DPY19L1: variants seen among roughly 807,000 people sequenced by gnomAD.
DPY19L1 encodes dpy-19 like C-mannosyltransferase 1, also known as protein C-mannosyl-transferase DPY19L1.
Under a neutral mutation model 96.9 loss-of-function variants are expected in DPY19L1, and 35 were observed. The ratio of observed to expected loss-of-function variants is 0.36; its 90% CI spans 0.28 to 0.48. The LOEUF (loss-of-function observed/expected upper bound fraction) is 0.48, where lower values mean the gene tolerates loss of function less well. Ranked by LOEUF, DPY19L1 falls within the 20% of genes least tolerant of loss-of-function variation. The pLI, the probability that DPY19L1 is intolerant of heterozygous loss-of-function variation, is 0.99. For missense variants in DPY19L1, 521 were observed against 777.9 expected (o/e 0.67, Z 3.93); for synonymous variants, 205 against 252.6 (o/e 0.81, Z 1.79).
chr7:34,933,617 C>T (rs1783804601), intron 21 of DPY19L1, among the ~76,000 whole-genome samples: 1 of 152,344 alleles, frequency 6.6e-6, no homozygotes, highest in Non-Finnish European at 1.5e-5. Context: ...ATCTAATCAG[C>T]TGCCAGCATG....
At chr7:35,010,019 AG>A (rs1224134605) in intron 6 of DPY19L1, among the ~76,000 whole-genome samples, 2 of 152,166 alleles carry the variant, frequency 1.3e-5, no homozygotes, top group South Asian at 2.1e-4. Context: ...ACTCAAGCCC[AG>A]GAAGTTGAGA....
At chr7:35,001,124 T>C (rs1489821370) in intron 6 of DPY19L1, among the ~76,000 whole-genome samples, 3 of 152,106 alleles carry the variant, frequency 2.0e-5, no homozygotes, top group Non-Finnish European at 4.4e-5. Context: ...ATTAAATGAG[T>C]TTCTGATAGT....
chr7:35,019,768 G>A (rs1186823639), intron 1 of DPY19L1, among the ~76,000 whole-genome samples: 1 of 151,964 alleles, frequency 6.6e-6, no homozygotes, highest in Non-Finnish European at 1.5e-5. Context: ...ATCTAACTTA[G>A]TTTGTCATTT....
intron 1 of DPY19L1, 92 bp from the exon 2 acceptor site, chr7:35,018,688 T>C: frequency 8.6e-7 from 1 of 1,166,272 alleles, no homozygotes; most frequent in Admixed American, 2.1e-5. Context: ...TGTCAAATAT[T>C]GAAATGTGTA....
intron 6 of DPY19L1, among the ~76,000 whole-genome samples, chr7:35,001,155 C>T (rs1289951347): frequency 1.3e-5 from 2 of 152,182 alleles, no homozygotes; most frequent in Non-Finnish European, 2.9e-5. Flanking sequence ...GAGCCTCGCA[C>T]ATAAGCGTCA....
At chr7:34,960,600 C>A (rs1050877173) in intron 10 of DPY19L1, among the ~76,000 whole-genome samples, 2 of 152,014 alleles carry the variant, frequency 1.3e-5, no homozygotes, top group Non-Finnish European at 2.9e-5. Flanking sequence ...ATTTTTCAGT[C>A]AATTGTATTA....
At chr7:35,008,639 T>A (rs77114901) in intron 6 of DPY19L1, among the ~76,000 whole-genome samples, 157 of 143,010 alleles carry the variant, frequency 1.1e-3, no homozygotes, top group South Asian at 1.6e-3. Context: ...GCTATAGTGC[T>A]CTGTGACCAC....
chr7:34,968,725 C>T (rs1483418657), intron 9 of DPY19L1, among the ~76,000 whole-genome samples: 7 of 135,680 alleles, frequency 5.2e-5, no homozygotes, highest in East Asian at 2.3e-4. Context: ...GCCGAGATTG[C>T]GCCACTGCAT....
At chr7:34,957,129 T>C (rs951733820) in intron 11 of DPY19L1, among the ~76,000 whole-genome samples, 7 of 152,034 alleles carry the variant, frequency 4.6e-5, no homozygotes, top group Admixed American at 1.3e-4. Context: ...ACGCCTGTAA[T>C]CCCAGCACTT....
At chr7:35,015,900 T>C (rs142214027) in intron 3 of DPY19L1, among the ~76,000 whole-genome samples, 40 of 152,326 alleles carry the variant, frequency 2.6e-4, no homozygotes, top group African/African-American at 9.6e-4. Flanking sequence ...TTAAACTCTT[T>C]TCAGTAATCA....
rs1402921085 is a variant in DPY19L1, at chr7:34,974,556, T to A, written c.823-951A>T. Among the ~76,000 whole-genome samples, 4 of 152,218 alleles carry A rather than the reference T, an allele frequency of 2.6e-5. No homozygotes were observed. In the East Asian group the frequency reaches 7.7e-4, roughly 29 times the overall value. The stretch of plus-strand genomic sequence containing the variant: ...ACTGACATACATATCTATTTATGAA[T>A]GAACTACTCACACAAGAGAATGCTG... On this transcript the variant is annotated intron_variant, in intron 7 of 21. Coordinates refer to ENST00000638088, the MANE Select transcript of DPY19L1 (RefSeq NM_001366673.1).
intron 1 of DPY19L1, among the ~76,000 whole-genome samples, chr7:35,028,521 T>C (rs1786182547): frequency 6.6e-6 from 1 of 152,210 alleles, no homozygotes; most frequent in African/African-American, 2.4e-5. Flanking sequence ...GACAATAAAT[T>C]CTAATTTCCC....
At chr7:34,935,905 G>A (rs1783858822) in intron 21 of DPY19L1, among the ~76,000 whole-genome samples, 3 of 152,158 alleles carry the variant, frequency 2.0e-5, no homozygotes. Flanking sequence ...TTGTGTCAAG[G>A]TTGAAGCAGA....
intron 1 of DPY19L1, among the ~76,000 whole-genome samples, chr7:35,021,357 G>T (rs906872934): frequency 1.2e-4 from 19 of 152,162 alleles, no homozygotes; most frequent in African/African-American, 3.4e-4. Flanking sequence ...AGGATGGGAG[G>T]TGCAAGAGGC....
chr7:34,981,812 G>A (rs56297335), intron 7 of DPY19L1, among the ~76,000 whole-genome samples: 29,893 of 152,050 alleles, frequency 0.2, 3,314 homozygotes, highest in Admixed American at 0.35. Context: ...TTAGCCAGGC[G>A]TGGTGGCACA....
In DPY19L1 at chr7:34,973,380, C is replaced by T. The variant is rs192388276; in HGVS notation, c.914+134G>A. The T allele has an allele frequency of 8.6e-6, 4 of 466,498 alleles. No homozygotes were observed. In the East Asian group the frequency reaches 1.5e-4, roughly 18 times the overall value. The allele number at this position is 466,498 out of a possible 1,614,324, so 28.9% of individuals were successfully genotyped here. ...TTTTTGATACTATTTTTAAGTTACA[C>T]TCTTATAATATTTTTACTAATAACA... On this transcript the variant is annotated intron_variant, in intron 8 of 21. Transcript: ENST00000638088.
In DPY19L1 at chr7:35,006,032, T is replaced by C. The variant is rs574269223; in HGVS notation, c.764+4436A>G. ...TCTCTGATTCCACCAGGCCTCTGTA[T>C]CTCAGTATTGTACTCCCTCTTTTAT... On this transcript the variant is annotated intron_variant, in intron 6 of 21. Transcript: ENST00000638088. Among the ~76,000 whole-genome samples the C allele has an allele frequency of 2.0e-5, 3 of 152,292 alleles. No homozygotes were observed. In the East Asian group the frequency reaches 5.8e-4, roughly 29 times the overall value.
rs752623361 is a variant in DPY19L1, at chr7:35,017,970, C to T, written c.324-1G>A. The T allele has an allele frequency of 6.3e-7, 1 of 1,594,992 alleles. No individual in the cohort carries two copies. Among genetic ancestry groups the T allele is most frequent in the South Asian group, 1.1e-5 (1 of 87,938 alleles). On this transcript the variant is annotated splice_acceptor_variant, in intron 2 of 21. Coordinates refer to ENST00000638088, the MANE Select transcript of DPY19L1 (RefSeq NM_001366673.1). LOFTEE classifies it high-confidence loss of function. ...TTCAAAGAGGTGTGTTATATGGCTC[C>T]TGGAAAAACAAAACAAAGCAATAGT...
intron 10 of DPY19L1, among the ~76,000 whole-genome samples, chr7:34,962,518 G>A (rs536666067): frequency 6.6e-6 from 1 of 152,298 alleles, no homozygotes; most frequent in East Asian, 1.9e-4. Context: ...CTACATGGTT[G>A]ACACATGTCA....
Sources: gnomAD v4.1 joint callset for allele counts (sites outside exome capture counted in the v4.1 genomes callset) on GRCh38, gnomAD v4.1.1 for gene constraint, MANE v1.5 for transcripts, NCBI Gene and HGNC (gene_info 2026-07-23, HGNC 2026-07-21) for gene names.